KIAA1217: variants seen among roughly 807,000 people sequenced by gnomAD.
KIAA1217 encodes sickle tail protein homolog.
In KIAA1217, 88 loss-of-function variants were observed where a neutral mutation model predicts 163.9. The ratio of observed to expected loss-of-function variants is 0.54; its 90% CI spans 0.45 to 0.64. The LOEUF is 0.64. Ranked by LOEUF, KIAA1217 falls within the 30% of genes least tolerant of loss-of-function variation. The pLI is 0.00. For missense variants in KIAA1217, 2,372 were observed against 2,475.0 expected, an observed-to-expected ratio of 0.96 and a Z score of 0.88; for synonymous variants, 903 against 923.1, an observed-to-expected ratio of 0.98 and a Z score of 0.39.
intron 2 of KIAA1217, among the ~76,000 whole-genome samples, chr10:24,188,603 G>T (rs561860436): frequency 2.3e-4 from 35 of 152,250 alleles, no homozygotes; most frequent in African/African-American, 6.7e-4. Context: ...GTTTATTCTT[G>T]GTGTTGTTCT....
At chr10:23,814,810 G>C (rs1386307452) in intron 1 of KIAA1217, among the ~76,000 whole-genome samples, 1 of 139,514 alleles carries the variant, frequency 7.2e-6, no homozygotes, top group Non-Finnish European at 1.5e-5. Context: ...AAATCATTTA[G>C]TAGATAACCA....
chr10:24,249,730 T>C (rs17582994), intron 2 of KIAA1217, among the ~76,000 whole-genome samples: 42,018 of 152,084 alleles, frequency 0.28, 6,285 homozygotes, highest in Non-Finnish European at 0.34. Context: ...ATTTCAAATA[T>C]AGTTCTCCCA....
chr10:24,494,588 A>G lies in KIAA1217; in HGVS notation c.1768A>G (p.Ser590Gly), dbSNP rs745344575. The G allele has an allele frequency of 6.2e-7, 1 of 1,610,524 alleles. No individual in the cohort carries two copies. Among genetic ancestry groups the G allele is most frequent in the South Asian group, 1.1e-5 (1 of 90,808 alleles). ...TTTTAAAGGGCCCATTACAAGTTATAGCAAAGATGCGTCTAGGTAAAAAAG... is the reference window on the plus strand; with the variant it reads ...TTTTAAAGGGCCCATTACAAGTTATGGCAAAGATGCGTCTAGGTAAAAAAG... ...ALFKGPITSY[S>G]KDASSEKMMK... Residue 590 changes from serine (S) to glycine (G), a missense_variant, in exon 7 of 21, where the codon AGC (serine) becomes GGC (glycine). This residue lies in a region of KIAA1217 where 1,431 missense variants were observed against 1,470.3 expected (regional missense o/e 0.97). Transcript: ENST00000376454.
chr10:23,955,640 G>C lies in KIAA1217; in HGVS notation c.-320-51585G>C, dbSNP rs560335037. Among the ~76,000 whole-genome samples the C allele has an allele frequency of 7.9e-5, 12 of 152,284 alleles. No individual in the cohort carries two copies. The East Asian group carries it at 2.3e-3, about 29-fold the overall frequency. On this transcript the variant is annotated intron_variant, in intron 1 of 18. Coordinates refer to the KIAA1217 transcript ENST00000376462. ...ATGGGAAGGCTGCGGGTGATGATGT[G>C]GGAGGAGATTAAGGCATTTGAGAGA...
chr10:24,520,687 C>CAA (rs71472810), intron 11 of KIAA1217, among the ~76,000 whole-genome samples: 49 of 81,472 alleles, frequency 6.0e-4, no homozygotes, highest in Admixed American at 2.1e-3. Context: ...CACACACACA[C>CAA]AAAAAAAAAT....
chr10:24,523,196 C>A (rs2071560026), intron 12 of KIAA1217, among the ~76,000 whole-genome samples: 1 of 151,802 alleles, frequency 6.6e-6, no homozygotes, highest in Non-Finnish European at 1.5e-5. Flanking sequence ...GTGGTATACA[C>A]CTGTAGTCCC....
intron 2 of KIAA1217, among the ~76,000 whole-genome samples, chr10:24,129,287 AT>A (rs2063570792): frequency 6.6e-6 from 1 of 152,136 alleles, no homozygotes; most frequent in Admixed American, 6.6e-5. Flanking sequence ...ATTACCTGTT[AT>A]TTATTGTATC....
chr10:24,223,896 G>A (rs970541145), intron 2 of KIAA1217, among the ~76,000 whole-genome samples: 18 of 115,108 alleles, frequency 1.6e-4, no homozygotes, highest in Middle Eastern at 0.011. Context: ...CATCATACCC[G>A]ACTGAAAATC....
At chr10:24,010,184 T>A (rs1187671609) in intron 2 of KIAA1217, among the ~76,000 whole-genome samples, 2 of 151,030 alleles carry the variant, frequency 1.3e-5, no homozygotes, top group Non-Finnish European at 3.0e-5. Context: ...GAACGCTTTT[T>A]AAAAAAAATG....
intron 1 of KIAA1217, among the ~76,000 whole-genome samples, chr10:23,868,082 T>C (rs1840281120): frequency 6.6e-6 from 1 of 152,104 alleles, no homozygotes; most frequent in Non-Finnish European, 1.5e-5. Flanking sequence ...TAGCCAGTTT[T>C]CCCAGCAGGT....
chr10:24,000,798 A>C (rs192808733), intron 1 of KIAA1217, among the ~76,000 whole-genome samples: 3 of 152,216 alleles, frequency 2.0e-5, no homozygotes, highest in Non-Finnish European at 2.9e-5. Context: ...CTTGTCTACA[A>C]ATTGGGGCTT....
chr10:24,183,737 C>T (rs575517471), intron 2 of KIAA1217, among the ~76,000 whole-genome samples: 60 of 152,328 alleles, frequency 3.9e-4, no homozygotes, highest in African/African-American at 1.4e-3. Flanking sequence ...CCCACTAAAT[C>T]TGGTTAGACT....
In KIAA1217 at chr10:23,727,827, G is replaced by A. The variant is rs144840426; in HGVS notation, c.-321+32593G>A. 9.1e-3 allele frequency among the ~76,000 whole-genome samples: 1,388 copies of A among 152,188 alleles called. 22 individuals carry two copies. Among genetic ancestry groups the A allele is most frequent in the African/African-American group, 0.032 (1,321 of 41,508 alleles). ...CCCACCTCCCGATGGGCCCTTGTGT[G>A]TGATGTTCCCCTCTCTGTGTCCATG... On this transcript the variant is annotated intron_variant, in intron 1 of 18. Transcript: ENST00000376462.
At chr10:24,185,518 G>C (rs2066383899) in intron 2 of KIAA1217, among the ~76,000 whole-genome samples, 1 of 152,156 alleles carries the variant, frequency 6.6e-6, no homozygotes, top group Non-Finnish European at 1.5e-5. Flanking sequence ...CTCTTGGCCA[G>C]GTATGGTGGC....
chr10:24,271,110 G>A (rs147193973), intron 2 of KIAA1217, among the ~76,000 whole-genome samples: 116 of 152,168 alleles, frequency 7.6e-4, no homozygotes, highest in African/African-American at 2.6e-3. Context: ...TGGTAGTTTG[G>A]CTCCATTTTC....
intron 3 of KIAA1217, among the ~76,000 whole-genome samples, chr10:24,401,194 T>G (rs1253623722): frequency 6.6e-6 from 1 of 151,392 alleles, no homozygotes; most frequent in Non-Finnish European, 1.5e-5. Flanking sequence ...AATATATATA[T>G]ATATATATAT....
intron 1 of KIAA1217, among the ~76,000 whole-genome samples, chr10:23,798,427 C>T (rs1379979084): frequency 6.6e-6 from 1 of 152,212 alleles, no homozygotes; most frequent in East Asian, 1.9e-4. Flanking sequence ...CCATCATCTT[C>T]AGCATTGGCT....
chr10:24,309,541 G>A (rs368879597), intron 2 of KIAA1217, among the ~76,000 whole-genome samples: 2 of 152,224 alleles, frequency 1.3e-5, no homozygotes, highest in African/African-American at 4.8e-5. Flanking sequence ...GGAACCCTCT[G>A]CGTCATACCC....
At chr10:24,239,383 T>C in intron 2 of KIAA1217, 2 of 739,484 alleles carry the variant, frequency 2.7e-6, no homozygotes, top group Non-Finnish European at 3.3e-6. Flanking sequence ...CCAAAAATTA[T>C]TTGGAAACAT....
Sources: allele counts gnomAD v4.1 joint callset (sites outside exome capture counted in the v4.1 genomes callset), GRCh38; gene constraint gnomAD v4.1.1; regional missense constraint gnomAD v4.1.1; transcripts MANE v1.5; gene names NCBI Gene and HGNC (gene_info 2026-07-23, HGNC 2026-07-21).